VPS13B: variants seen among roughly 807,000 people sequenced by gnomAD.
The protein encoded by VPS13B is intermembrane lipid transfer protein VPS13B.
A neutral mutation model predicts 426.4 loss-of-function variants in VPS13B; 285 were observed. The observed-to-expected ratio is 0.67, with a 90% CI of 0.61 to 0.74. The LOEUF (loss-of-function observed/expected upper bound fraction) is 0.74. VPS13B is among the 30% of genes least tolerant of loss of function. The pLI, the probability that VPS13B is intolerant of heterozygous loss-of-function variation, is 0.00. For synonymous variants in VPS13B, 1,676 were observed against 1,676.4 expected, an observed-to-expected ratio of 1.00 and a Z score of 0.01; for missense variants, 4,537 against 4,782.6, an observed-to-expected ratio of 0.95 and a Z score of 1.51.
chr8:99,542,658 G>A (rs746465364), intron 30 of VPS13B, among the ~76,000 whole-genome samples: 13 of 152,100 alleles, frequency 8.5e-5, no homozygotes, highest in Non-Finnish European at 1.6e-4. Flanking sequence ...TGGATGGAGA[G>A]CCCTTAAGTA....
chr8:99,356,544 G>A (rs953873899), intron 19 of VPS13B, among the ~76,000 whole-genome samples: 2 of 152,140 alleles, frequency 1.3e-5, no homozygotes, highest in Admixed American at 1.3e-4. Context: ...CCTACTGGGA[G>A]GCTGTGCTGA....
At chr8:99,691,373 G>T (rs1487206042) in intron 35 of VPS13B, among the ~76,000 whole-genome samples, 3 of 151,916 alleles carry the variant, frequency 2.0e-5, no homozygotes, top group Non-Finnish European at 2.9e-5. Context: ...AATTTTTGTG[G>T]CATGTGAGTT....
intron 19 of VPS13B, among the ~76,000 whole-genome samples, chr8:99,327,348 A>G (rs1810329958): frequency 1.3e-5 from 2 of 152,228 alleles, no homozygotes; most frequent in South Asian, 4.1e-4. Flanking sequence ...TGGAATTTAC[A>G]TTAATGTAGT....
chr8:99,355,539 C>CTCTA (rs1459564067), intron 19 of VPS13B, among the ~76,000 whole-genome samples: 2 of 152,142 alleles, frequency 1.3e-5, no homozygotes, highest in Non-Finnish European at 2.9e-5. Context: ...TGCAGTGAGC[C>CTCTA]TAGATAGCGC....
intron 7 of VPS13B, among the ~76,000 whole-genome samples, chr8:99,118,830 C>G (rs1253714715): frequency 1.3e-5 from 2 of 152,046 alleles, no homozygotes; most frequent in Non-Finnish European, 2.9e-5. Context: ...TCGTTTTTGG[C>G]TATTATAAAT....
In VPS13B at chr8:99,818,493, G is replaced by A. The variant is rs768831856; in HGVS notation, c.8404G>A (p.Val2802Ile). The stretch of plus-strand genomic sequence containing the variant: ...TTCCATTATTTATGTCTGGTGCACA[G>A]TTTTGACTTTAGAACCCAACTCTCA... ...NSSIIYVWCT[V>I]LTLEPNSQVQ... Residue 2802 changes from valine to isoleucine, a missense_variant, in exon 46 of 62, where the codon GTT becomes ATT. By Grantham distance (29) the Val-to-Ile change is conservative. Transcript: ENST00000357162. The A allele has an allele frequency of 6.2e-7, 1 of 1,614,072 alleles. No homozygotes were observed.
chr8:99,717,159 T>A lies in VPS13B; in HGVS notation c.6455-12T>A. 3 of 1,566,344 alleles carry A rather than the reference T, an allele frequency of 1.9e-6. No homozygotes were observed. Among genetic ancestry groups the A allele is most frequent in the Non-Finnish European group, 2.6e-6 (3 of 1,140,454 alleles). On this transcript the variant is annotated splice_polypyrimidine_tract_variant and intron_variant, in intron 36 of 61. Coordinates refer to ENST00000357162, the MANE Select transcript of VPS13B (RefSeq NM_152564.5). ...AGGATGAATTATATACTCTTCTGTA[T>A]TTTTTTTTCAGGCATAATTCTTGGG...
At chr8:99,761,314 G>A (rs1390960625) in intron 39 of VPS13B, among the ~76,000 whole-genome samples, 1 of 152,180 alleles carries the variant, frequency 6.6e-6, no homozygotes, top group East Asian at 1.9e-4. Flanking sequence ...CCTCACACAA[G>A]TTGTGAACTA....
At chr8:99,403,852 G>A (rs189672112) in intron 21 of VPS13B, among the ~76,000 whole-genome samples, 72 of 152,280 alleles carry the variant, frequency 4.7e-4, no homozygotes, top group Non-Finnish European at 7.6e-4. Flanking sequence ...TGTTTTGATA[G>A]GAAGATGGTA....
intron 39 of VPS13B, among the ~76,000 whole-genome samples, chr8:99,736,590 A>G (rs544422800): frequency 2.0e-5 from 3 of 152,242 alleles, no homozygotes; most frequent in South Asian, 2.1e-4. Flanking sequence ...AACAAAAACA[A>G]CAACAACAAA....
chr8:99,014,094 T>C (rs1210651044), intron 2 of VPS13B, among the ~76,000 whole-genome samples, 159 bp downstream of exon 2: 1 of 149,394 alleles, frequency 6.7e-6, no homozygotes, highest in Non-Finnish European at 1.5e-5. Context: ...TTACACTATT[T>C]TCTTTTTCTT....
At chr8:99,088,065 T>A (rs1160298890) in intron 3 of VPS13B, among the ~76,000 whole-genome samples, 2 of 151,076 alleles carry the variant, frequency 1.3e-5, no homozygotes, top group African/African-American at 4.9e-5. Flanking sequence ...GCACGTGTAA[T>A]CCCAGCTACT....
chr8:99,546,991 A>G (rs1824016178), intron 30 of VPS13B, among the ~76,000 whole-genome samples: 1 of 152,118 alleles, frequency 6.6e-6, no homozygotes, highest in African/African-American at 2.4e-5. Context: ...ACTTTTAAAA[A>G]GTAATGTACT....
chr8:99,150,606 C>T (rs1460464049), intron 14 of VPS13B, among the ~76,000 whole-genome samples: 1 of 152,200 alleles, frequency 6.6e-6, no homozygotes, highest in African/African-American at 2.4e-5. Flanking sequence ...TTTGCCTTTT[C>T]TAGACTGTCA....
At chr8:99,261,103 C>T (rs150286231) in intron 17 of VPS13B, among the ~76,000 whole-genome samples, 1 of 152,094 alleles carries the variant, frequency 6.6e-6, no homozygotes, top group East Asian at 1.9e-4. Flanking sequence ...ACATTTGTTA[C>T]CTTCATGAAC....
At position 99,147,915 on chromosome 8, in the gene VPS13B, C is replaced by A; in HGVS notation, c.1918C>A (p.His640Asn). ...ALLEEYIPTR[H>N]TSVTLLKCTC... ...TCTGGAGGAATATATTCCTACTCGA[C>A]ATACAAGTGTTACTCTCCTCAAATG... Residue 640 changes from histidine (H) to asparagine (N), a missense_variant, in exon 14 of 62, where the codon CAT (histidine) becomes AAT (asparagine). His to Asn is a moderately conservative substitution (Grantham distance 68). Coordinates refer to ENST00000357162, the MANE Select transcript of VPS13B (RefSeq NM_152564.5). The A allele has an allele frequency of 1.2e-6, 2 of 1,613,598 alleles. No homozygotes were observed. Among genetic ancestry groups the A allele is most frequent in the Non-Finnish European group, 1.7e-6 (2 of 1,179,712 alleles).
chr8:99,725,587 G>A (rs916573362), intron 39 of VPS13B, among the ~76,000 whole-genome samples: 1 of 152,172 alleles, frequency 6.6e-6, no homozygotes, highest in African/African-American at 2.4e-5. Flanking sequence ...AAAGATTGGG[G>A]ACCACTGCTT....
In VPS13B at chr8:99,111,124, A is replaced by G; in HGVS notation, c.607A>G (p.Ile203Val). The G allele has an allele frequency of 1.2e-6, 2 of 1,604,894 alleles. No individual in the cohort carries two copies. The highest frequency in any genetic ancestry group is 1.7e-6 in the Non-Finnish European group (2 of 1,175,392). Residue 203 changes from isoleucine to valine, a missense_variant, in exon 6 of 62, where the codon ATC becomes GTC. Transcript: ENST00000357162. ...AACTGATTTGGTGCTGAGAAAGGTTATCAATTTTTCTGACTGTACAGTTTG... is the reference window on the plus strand; with the variant it reads ...AACTGATTTGGTGCTGAGAAAGGTTGTCAATTTTTCTGACTGTACAGTTTG... ...SATDLVLRKV[I>V]NFSDCTVCLD...
chr8:99,248,292 TTAATGA>T (rs1320569804), intron 17 of VPS13B, among the ~76,000 whole-genome samples: 1 of 152,182 alleles, frequency 6.6e-6, no homozygotes, highest in African/African-American at 2.4e-5. Flanking sequence ...TTTTTCTTTG[TTAATGA>T]TAAGGAAATG....
Sources: gnomAD v4.1 joint callset for allele counts (sites outside exome capture counted in the v4.1 genomes callset) on GRCh38, gnomAD v4.1.1 for gene constraint, MANE v1.5 for transcripts, NCBI Gene and HGNC (gene_info 2026-07-23, HGNC 2026-07-21) for gene names.